Variants in CLVS1 observed in about 807,000 individuals in gnomAD.
CLVS1 encodes clavesin-1.
In CLVS1, 10 loss-of-function variants were observed where a neutral mutation model predicts 33.1. That is an observed-to-expected ratio of 0.30 (90% CI 0.19 to 0.51). CLVS1 has a LOEUF of 0.51. CLVS1 is among the 20% of genes least tolerant of loss of function. The pLI is 0.97. For missense variants in CLVS1, 343 were observed against 433.4 expected (o/e 0.79, Z 1.85); for synonymous variants, 163 against 166.1 (o/e 0.98, Z 0.14).
chr8:61,421,607 C>A (rs568953121), intron 3 of CLVS1, among the ~76,000 whole-genome samples: 2 of 152,344 alleles, frequency 1.3e-5, no homozygotes, highest in South Asian at 4.1e-4. Flanking sequence ...CCCAGCTATA[C>A]CATTCCTAAG....
chr8:61,260,698 C>A (rs1354701283), intron 2 of CLVS1, among the ~76,000 whole-genome samples: 1 of 152,186 alleles, frequency 6.6e-6, no homozygotes, highest in Non-Finnish European at 1.5e-5. Flanking sequence ...CCAGCCCGAA[C>A]ATATTGACAG....
intron 3 of CLVS1, among the ~76,000 whole-genome samples, chr8:61,427,355 T>C (rs1815933031): frequency 6.6e-6 from 1 of 152,182 alleles, no homozygotes; most frequent in Non-Finnish European, 1.5e-5. Flanking sequence ...GCTAGCTTCC[T>C]TTATTCCCTC....
chr8:61,281,992 GC>G, intron 2 of CLVS1, among the ~76,000 whole-genome samples: 1 of 152,134 alleles, frequency 6.6e-6, no homozygotes. Flanking sequence ...TGAGAAAAGT[GC>G]CCATGGGTGT....
intron 3 of CLVS1, among the ~76,000 whole-genome samples, chr8:61,400,446 AT>A (rs1354617800): frequency 5.9e-5 from 9 of 152,052 alleles, no homozygotes. Context: ...AGATGATGGC[AT>A]TTTCTAGATA....
intron 3 of CLVS1, among the ~76,000 whole-genome samples, chr8:61,416,300 AGC>A (rs1189600015): frequency 2.1e-3 from 292 of 136,644 alleles, no homozygotes; most frequent in East Asian, 5.3e-3. Flanking sequence ...CTAGCTAGCT[AGC>A]TAGATACATA....
intron 1 of CLVS1, among the ~76,000 whole-genome samples, chr8:61,085,909 G>A (rs1032776599): frequency 3.3e-5 from 5 of 151,428 alleles, no homozygotes; most frequent in Admixed American, 6.6e-5. Flanking sequence ...GTTGGCGGGC[G>A]CCTGTAGTCC....
At chr8:61,270,627 G>T (rs1809417185) in intron 2 of CLVS1, among the ~76,000 whole-genome samples, 1 of 152,156 alleles carries the variant, frequency 6.6e-6, no homozygotes, top group Non-Finnish European at 1.5e-5. Flanking sequence ...GAATTCAGCT[G>T]TGAATCCATC....
intron 5 of CLVS1, among the ~76,000 whole-genome samples, chr8:61,488,233 C>A (rs1425039760): frequency 6.6e-6 from 1 of 152,184 alleles, no homozygotes; most frequent in African/African-American, 2.4e-5. Context: ...TTCCACTCCT[C>A]AAAAGTCAAT....
At chr8:61,130,920 T>A (rs948977401) in intron 1 of CLVS1, among the ~76,000 whole-genome samples, 2 of 152,240 alleles carry the variant, frequency 1.3e-5, no homozygotes, top group African/African-American at 4.8e-5. Flanking sequence ...CATCAACTCA[T>A]AAAAATATCA....
intron 3 of CLVS1, among the ~76,000 whole-genome samples, chr8:61,422,095 ATTT>A (rs36039456): frequency 5.5e-5 from 8 of 146,182 alleles, no homozygotes; most frequent in African/African-American, 1.7e-4. Flanking sequence ...TGCCAGGTTG[ATTT>A]TTTTTTTTTT....
intron 3 of CLVS1, among the ~76,000 whole-genome samples, chr8:61,382,515 A>G (rs547561874): frequency 9.2e-5 from 14 of 152,196 alleles, no homozygotes; most frequent in Non-Finnish European, 1.8e-4. Context: ...CCTGCCCCAG[A>G]CATACTGAAT....
At chr8:61,223,032 A>C (rs1272623633) in intron 2 of CLVS1, among the ~76,000 whole-genome samples, 2 of 147,624 alleles carry the variant, frequency 1.4e-5, no homozygotes, top group Non-Finnish European at 3.0e-5. Context: ...TTTCTTTGGT[A>C]AGTTTTCCTC....
intron 2 of CLVS1, among the ~76,000 whole-genome samples, chr8:61,327,527 G>A (rs1811428086): frequency 6.6e-6 from 1 of 152,036 alleles, no homozygotes; most frequent in South Asian, 2.1e-4. Context: ...ACATTTAGTT[G>A]GCCCTCAATA....
rs756502705 is a variant in CLVS1 at position 61,122,610 on chromosome 8, AC to A, written c.-242-9159del. On this transcript the variant is annotated intron_variant, in intron 1 of 2. Transcript: ENST00000522621. ...CACACACACACACACACACACACAC[AC>A]AAGAAAACAGCAAGCAAGAAGTGAA... 5.5e-3 allele frequency among the ~76,000 whole-genome samples: 821 copies of A among 150,202 alleles called. 8 individuals are homozygous for A. The highest frequency in any genetic ancestry group is 0.019 in the African/African-American group (750 of 40,406).
intron 5 of CLVS1, among the ~76,000 whole-genome samples, chr8:61,492,981 G>A (rs867553093): frequency 6.6e-6 from 1 of 152,086 alleles, no homozygotes; most frequent in Non-Finnish European, 1.5e-5. Context: ...GGTCACTATC[G>A]AATGCATTAT....
At chr8:60,988,185 C>G in the CLVS1 span, among the ~76,000 whole-genome samples, 1 of 152,144 alleles carries the variant, frequency 6.6e-6, no homozygotes, top group Admixed American at 6.5e-5. Context: ...AAACCCAACT[C>G]CATTCTTGAA....
chr8:61,055,065 T>C (rs182304145), upstream of CLVS1, among the ~76,000 whole-genome samples: 44 of 152,362 alleles, frequency 2.9e-4, no homozygotes, highest in Non-Finnish European at 5.3e-4. Flanking sequence ...TCCAATCATA[T>C]AGTTTACTCT....
At chr8:61,026,712 A>G in the CLVS1 span, among the ~76,000 whole-genome samples, 1 of 152,206 alleles carries the variant, frequency 6.6e-6, no homozygotes, top group African/African-American at 2.4e-5. Flanking sequence ...ATTTAGCTTC[A>G]TGTACCTGGA....
chr8:61,442,537 T>C (rs1276807199), intron 3 of CLVS1, among the ~76,000 whole-genome samples: 2 of 152,216 alleles, frequency 1.3e-5, no homozygotes, highest in Non-Finnish European at 2.9e-5. Context: ...AGAGTTCCTA[T>C]ACCATATTAC....
Sources: allele counts gnomAD v4.1 joint callset (sites outside exome capture counted in the v4.1 genomes callset), GRCh38; gene constraint gnomAD v4.1.1; transcripts MANE v1.5; gene names NCBI Gene and HGNC (gene_info 2026-07-23, HGNC 2026-07-21).